Variants in ZC3H12B observed in about 807,000 individuals in gnomAD.
ZC3H12B encodes probable ribonuclease ZC3H12B.
Under a neutral mutation model 43.9 loss-of-function variants are expected in ZC3H12B, and 7 were observed. That is an observed-to-expected ratio of 0.16 (90% CI 0.09 to 0.30). The LOEUF is 0.30. Ranked by LOEUF, ZC3H12B falls within the 10% of genes least tolerant of loss-of-function variation. The pLI, the probability that ZC3H12B is intolerant of heterozygous loss-of-function variation, is 1.00. For missense variants in ZC3H12B, 475 were observed against 670.2 expected (o/e 0.71, Z 3.22); for synonymous variants, 222 against 241.7 (o/e 0.92, Z 0.76).
chrX:65,126,695 C>A, the ZC3H12B span, among the ~76,000 whole-genome samples: 1 of 95,539 alleles, frequency 1.0e-5, no homozygotes, highest in Non-Finnish European at 2.0e-5. Flanking sequence ...TTTTTTTTTA[C>A]TTTTTTTTTC....
chrX:65,225,023 G>T, the ZC3H12B span, among the ~76,000 whole-genome samples: 1 of 111,671 alleles, frequency 9.0e-6, no homozygotes, highest in Non-Finnish European at 1.9e-5. Flanking sequence ...AGACAGCAGT[G>T]GTTCTCCCAT....
the ZC3H12B span, among the ~76,000 whole-genome samples, chrX:65,193,985 C>A: frequency 9.0e-6 from 1 of 110,629 alleles, no homozygotes; most frequent in Non-Finnish European, 1.9e-5. Context: ...GGAGCCAACA[C>A]TTCATGTGGC....
At chrX:65,216,757 A>T in the ZC3H12B span, among the ~76,000 whole-genome samples, 1 of 111,963 alleles carries the variant, frequency 8.9e-6, no homozygotes, top group Non-Finnish European at 1.9e-5. Context: ...CAACATGAGT[A>T]CTAGCTGAGC....
At chrX:65,224,819 G>A in the ZC3H12B span, among the ~76,000 whole-genome samples, 11 of 112,016 alleles carry the variant, frequency 9.8e-5, no homozygotes, top group African/African-American at 2.9e-4. Context: ...GCGAGGCTGG[G>A]GGAAGGGTGC....
intron 3 of ZC3H12B, among the ~76,000 whole-genome samples, chrX:65,458,085 T>TAAA (rs59738258): frequency 2.7e-4 from 13 of 49,046 alleles, no homozygotes; most frequent in African/African-American, 5.3e-4. Flanking sequence ...AAAAAAAAAT[T>TAAA]AAAAAAAAAA....
chrX:65,093,874 C>T, the ZC3H12B span, among the ~76,000 whole-genome samples: 327 of 111,052 alleles, frequency 2.9e-3, 2 homozygotes, highest in African/African-American at 0.011. Flanking sequence ...TTGTGTTTTG[C>T]AATGTGAGCA....
the ZC3H12B span, among the ~76,000 whole-genome samples, chrX:65,039,337 A>G: frequency 8.0e-5 from 9 of 112,071 alleles, no homozygotes; most frequent in Non-Finnish European, 1.7e-4. Context: ...ATTCTACTGT[A>G]ATAAGTTTTT....
rs917257712 is a variant in ZC3H12B at position 65,410,675 on chromosome X, G to A, written n.407+11971G>A. ...CAAAAGATTTGAATAATTTCTCAAA[G>A]TACACACAACCCAGAAACAGGCATA... On this transcript the variant is annotated intron_variant and non_coding_transcript_variant, in intron 3 of 5. Coordinates refer to the ZC3H12B transcript ENST00000617377. Among the ~76,000 whole-genome samples, 4 of 111,702 alleles carry A rather than the reference G, an allele frequency of 3.6e-5. 1 individual carries two copies. The highest frequency in any genetic ancestry group is 2.8e-4 in the Admixed American group (3 of 10,545).
At chrX:65,150,971 T>A in the ZC3H12B span, among the ~76,000 whole-genome samples, 2 of 111,918 alleles carry the variant, frequency 1.8e-5, no homozygotes, top group Non-Finnish European at 3.8e-5. Flanking sequence ...TATTCTGATC[T>A]CTCTGGAGGA....
the ZC3H12B span, among the ~76,000 whole-genome samples, chrX:65,293,115 C>G: frequency 1.8e-5 from 2 of 111,793 alleles, no homozygotes; most frequent in Admixed American, 9.5e-5. Context: ...TAAATAAACA[C>G]AGAAAAAGCA....
At chrX:65,093,707 C>A in the ZC3H12B span, among the ~76,000 whole-genome samples, 49 of 112,222 alleles carry the variant, frequency 4.4e-4, no homozygotes, top group East Asian at 0.012. Flanking sequence ...AATGCTTATA[C>A]CCCCATAGTA....
the ZC3H12B span, among the ~76,000 whole-genome samples, chrX:65,117,804 T>C: frequency 1.8e-5 from 2 of 112,174 alleles, no homozygotes; most frequent in Non-Finnish European, 3.8e-5. Flanking sequence ...CCCAGCACCA[T>C]TTATTAAACA....
chrX:65,355,358 A>G, the ZC3H12B span, among the ~76,000 whole-genome samples: 1 of 112,104 alleles, frequency 8.9e-6, no homozygotes, highest in South Asian at 3.7e-4. Flanking sequence ...TTTTTATTGA[A>G]TAAAAACCTG....
chrX:65,480,873 G>T (rs2068055373), intron 3 of ZC3H12B, among the ~76,000 whole-genome samples: 1 of 108,959 alleles, frequency 9.2e-6, no homozygotes, highest in African/African-American at 3.4e-5. Context: ...AGTACTACAA[G>T]GATGAAATAT....
chrX:65,323,557 T>C, the ZC3H12B span, among the ~76,000 whole-genome samples: 1 of 112,357 alleles, frequency 8.9e-6, no homozygotes, highest in African/African-American at 3.2e-5. Context: ...TATTCCATGG[T>C]ATATATGTGC....
chrX:65,166,265 A>G, the ZC3H12B span, among the ~76,000 whole-genome samples: 1 of 110,827 alleles, frequency 9.0e-6, no homozygotes, highest in African/African-American at 3.3e-5. Context: ...TCATTGGTTA[A>G]TTCCAACCTA....
At chrX:65,412,194 T>G (rs1295471515) in intron 3 of ZC3H12B, among the ~76,000 whole-genome samples, 1 of 111,756 alleles carries the variant, frequency 8.9e-6, no homozygotes, top group African/African-American at 3.3e-5. Context: ...GTTCTGTCGC[T>G]GTGTATTTAT....
At chrX:65,469,403 C>G (rs2067875110) in intron 3 of ZC3H12B, 1 of 464,650 alleles carries the variant, frequency 2.2e-6, no homozygotes, top group South Asian at 3.1e-5. Context: ...CCATCAAGCT[C>G]AAGGTGTTTC....
the ZC3H12B span, among the ~76,000 whole-genome samples, chrX:65,078,514 A>G: frequency 2.6e-4 from 29 of 112,199 alleles, no homozygotes; most frequent in Non-Finnish European, 4.5e-4. Flanking sequence ...GAATGAGGGC[A>G]TAATCAATTG....
Sources: allele counts gnomAD v4.1 joint callset (sites outside exome capture counted in the v4.1 genomes callset), GRCh38; gene constraint gnomAD v4.1.1; transcripts MANE v1.5; gene names NCBI Gene and HGNC (gene_info 2026-07-23, HGNC 2026-07-21).